The following CACNA2D3 variants were observed in gnomAD, a reference collection of about 807,000 sequenced individuals.
The protein encoded by CACNA2D3 is calcium voltage-gated channel auxiliary subunit alpha2delta 3.
A neutral mutation model predicts 160.6 loss-of-function variants in CACNA2D3; 60 were observed. That is an observed-to-expected ratio of 0.37 (90% CI 0.30 to 0.46). CACNA2D3 has a LOEUF of 0.46. Among genes scored for constraint, CACNA2D3 ranks in the 20% least tolerant of loss-of-function variants. The pLI is 1.00. For missense variants in CACNA2D3, 1,205 were observed against 1,365.0 expected, an observed-to-expected ratio of 0.88 and a Z score of 1.85; for synonymous variants, 558 against 492.9, an observed-to-expected ratio of 1.13 and a Z score of -1.75.
At chr3:54,836,486 G>A (rs1698692705) in intron 14 of CACNA2D3, among the ~76,000 whole-genome samples, 1 of 151,662 alleles carries the variant, frequency 6.6e-6, no homozygotes, top group Non-Finnish European at 1.5e-5. Context: ...TGCCTGCCTT[G>A]GCCTCCCAAA....
chr3:54,723,874 C>T (rs535357489), intron 11 of CACNA2D3, among the ~76,000 whole-genome samples: 1 of 152,308 alleles, frequency 6.6e-6, no homozygotes, highest in East Asian at 1.9e-4. Context: ...ACAGACAAAA[C>T]AACCAGCTAG....
At chr3:54,934,885 C>G (rs1701290904) in intron 27 of CACNA2D3, among the ~76,000 whole-genome samples, 2 of 152,102 alleles carry the variant, frequency 1.3e-5, no homozygotes, top group South Asian at 4.1e-4. Context: ...GCACACACCA[C>G]CACACCCCGC....
intron 2 of CACNA2D3, among the ~76,000 whole-genome samples, chr3:54,135,894 C>T (rs60121939): frequency 0.022 from 3,348 of 152,290 alleles, 127 homozygotes; most frequent in African/African-American, 0.077. Flanking sequence ...ATGCTGGAGT[C>T]CTGACTACCA....
chr3:54,540,233 G>A (rs906701087), intron 5 of CACNA2D3, among the ~76,000 whole-genome samples: 7 of 152,070 alleles, frequency 4.6e-5, no homozygotes, highest in African/African-American at 7.2e-5. Context: ...CCAATTCAGC[G>A]GCATCCTCAA....
At chr3:54,132,018 G>A (rs1302109258) in intron 2 of CACNA2D3, among the ~76,000 whole-genome samples, 1 of 152,186 alleles carries the variant, frequency 6.6e-6, no homozygotes, top group Admixed American at 6.5e-5. Context: ...TAAATTTACT[G>A]GATTCAGGTA....
At chr3:54,485,424 G>A (rs539826709) in intron 4 of CACNA2D3, among the ~76,000 whole-genome samples, 1 of 152,264 alleles carries the variant, frequency 6.6e-6, no homozygotes, top group African/African-American at 2.4e-5. Context: ...GTTTGTACCT[G>A]CAAGCCACAT....
At position 55,002,853 on chromosome 3, in the gene CACNA2D3, G is replaced by A. The variant is rs148413762; in HGVS notation, c.2691-1910G>A. Reference sequence around the variant, plus strand: ...CTGCTTGGTACCCACAGACGACTGTGTTTAATCCATTTATCGGTAATGTCC... The same window carrying A: ...CTGCTTGGTACCCACAGACGACTGTATTTAATCCATTTATCGGTAATGTCC... On this transcript the variant is annotated intron_variant, in intron 31 of 37. Coordinates refer to ENST00000474759, the MANE Select transcript of CACNA2D3 (RefSeq NM_018398.3). Among the ~76,000 whole-genome samples, 127 of 152,284 alleles carry A rather than the reference G, an allele frequency of 8.3e-4. 3 individuals are homozygous for A. The highest frequency in any genetic ancestry group is 5.4e-3 in the East Asian group (28 of 5,158).
intron 35 of CACNA2D3, among the ~76,000 whole-genome samples, chr3:55,020,183 AAT>A (rs1288266278): frequency 6.6e-6 from 1 of 151,240 alleles, no homozygotes; most frequent in African/African-American, 2.4e-5. Flanking sequence ...TAAATCATGA[AAT>A]ATATATATAC....
At chr3:54,516,262 G>C (rs941434665) in intron 5 of CACNA2D3, among the ~76,000 whole-genome samples, 2 of 152,178 alleles carry the variant, frequency 1.3e-5, no homozygotes, top group African/African-American at 4.8e-5. Context: ...CAAATGACTT[G>C]ATGACCTTTC....
At chr3:54,659,626 A>C (rs965490444) in intron 11 of CACNA2D3, among the ~76,000 whole-genome samples, 2 of 152,130 alleles carry the variant, frequency 1.3e-5, no homozygotes, top group Non-Finnish European at 2.9e-5. Context: ...CGTGTCCTGA[A>C]TTTTGAATGG....
chr3:54,126,810 T>A (rs1223661196), intron 2 of CACNA2D3, among the ~76,000 whole-genome samples: 1 of 152,214 alleles, frequency 6.6e-6, no homozygotes, highest in Non-Finnish European at 1.5e-5. Flanking sequence ...TGCAGGGGTT[T>A]CCGTTCACTT....
At chr3:55,040,282 A>T (rs1703928595) in intron 35 of CACNA2D3, among the ~76,000 whole-genome samples, 1 of 151,662 alleles carries the variant, frequency 6.6e-6, no homozygotes, top group Non-Finnish European at 1.5e-5. Context: ...TCAACATATG[A>T]CTCTGGGTGG....
chr3:54,403,391 AC>A (rs1699509241), intron 4 of CACNA2D3, among the ~76,000 whole-genome samples: 1 of 150,754 alleles, frequency 6.6e-6, no homozygotes, highest in Non-Finnish European at 1.5e-5. Context: ...ACACACACAC[AC>A]ACACACGCAC....
chr3:54,241,639 G>A (rs929806492), intron 2 of CACNA2D3, among the ~76,000 whole-genome samples: 8 of 152,176 alleles, frequency 5.3e-5, no homozygotes, highest in African/African-American at 1.7e-4. Flanking sequence ...ACGTGGCTGT[G>A]GTCACATGGA....
intron 12 of CACNA2D3, among the ~76,000 whole-genome samples, chr3:54,761,486 G>T (rs1702080596): frequency 6.6e-6 from 1 of 152,220 alleles, no homozygotes; most frequent in African/African-American, 2.4e-5. Context: ...TGATAACTGT[G>T]TATGTGGCAT....
chr3:55,035,772 G>C (rs1703803344), intron 35 of CACNA2D3, among the ~76,000 whole-genome samples: 1 of 152,102 alleles, frequency 6.6e-6, no homozygotes, highest in African/African-American at 2.4e-5. Flanking sequence ...AACTGAGCAG[G>C]GTAGAAAATA....
intron 3 of CACNA2D3, among the ~76,000 whole-genome samples, chr3:54,346,704 A>G (rs934050916): frequency 2.0e-5 from 3 of 152,156 alleles, no homozygotes; most frequent in Admixed American, 6.5e-5. Flanking sequence ...ACTAAAGTCT[A>G]TAATTTCCAT....
chr3:54,582,061 A>G (rs1218923213), intron 9 of CACNA2D3, among the ~76,000 whole-genome samples, 184 bp downstream of exon 9: 1 of 152,248 alleles, frequency 6.6e-6, no homozygotes, highest in African/African-American at 2.4e-5. Flanking sequence ...ATTACATTGA[A>G]TTCAAAGGCT....
In CACNA2D3 at chr3:54,464,428, C is replaced by T. The variant is rs565877426; in HGVS notation, c.382-39064C>T. ...TCCTTGAGCTGTGGTGGGCTCCACCCAGTTCGAGCTTCCCGGCTGCTTTGT... is the reference window on the plus strand; with the variant it reads ...TCCTTGAGCTGTGGTGGGCTCCACCTAGTTCGAGCTTCCCGGCTGCTTTGT... On this transcript the variant is annotated intron_variant, in intron 4 of 37. Coordinates refer to ENST00000474759, the MANE Select transcript of CACNA2D3 (RefSeq NM_018398.3). 2.6e-5 allele frequency among the ~76,000 whole-genome samples: 4 copies of T among 152,338 alleles called. No homozygotes were observed. In the East Asian group the frequency reaches 7.7e-4, roughly 29 times the overall value.
Sources: gnomAD v4.1 joint callset for allele counts (sites outside exome capture counted in the v4.1 genomes callset) on GRCh38, gnomAD v4.1.1 for gene constraint, MANE v1.5 for transcripts, NCBI Gene and HGNC (gene_info 2026-07-23, HGNC 2026-07-21) for gene names.